FOXJ3: variants seen among roughly 807,000 people sequenced by gnomAD.
FOXJ3 encodes forkhead box J3.
Under a neutral mutation model 76.1 loss-of-function variants are expected in FOXJ3, and 22 were observed. That is an observed-to-expected ratio of 0.29 (90% CI 0.21 to 0.41). FOXJ3 has a LOEUF of 0.41. Ranked by LOEUF, FOXJ3 falls within the 10% of genes least tolerant of loss-of-function variation. FOXJ3 has a pLI of 1.00. For synonymous variants in FOXJ3, 269 were observed against 261.2 expected, an observed-to-expected ratio of 1.03 and a Z score of -0.29; for missense variants, 613 against 762.1, an observed-to-expected ratio of 0.80 and a Z score of 2.30.
At chr1:42,251,776 T>C (rs1650091594) in intron 4 of FOXJ3, among the ~76,000 whole-genome samples, 1 of 144,944 alleles carries the variant, frequency 6.9e-6, no homozygotes, top group African/African-American at 2.7e-5. Context: ...TGGAGTGCAG[T>C]GGCGCGATCT....
chr1:42,192,292 A>C (rs1646563942), intron 8 of FOXJ3, among the ~76,000 whole-genome samples: 1 of 152,224 alleles, frequency 6.6e-6, no homozygotes, highest in Admixed American at 6.5e-5. Flanking sequence ...CATAGGCTGC[A>C]AGCTGGAACA....
intron 4 of FOXJ3, among the ~76,000 whole-genome samples, chr1:42,236,873 G>C (rs1648681338): frequency 6.6e-6 from 1 of 152,158 alleles, no homozygotes; most frequent in Admixed American, 6.5e-5. Context: ...TTGTGCCTCA[G>C]TGATTTGCAA....
chr1:42,210,919 A>AC (rs1646954538), intron 5 of FOXJ3, among the ~76,000 whole-genome samples: 1 of 151,896 alleles, frequency 6.6e-6, no homozygotes, highest in Non-Finnish European at 1.5e-5. Context: ...AGGGACTGCT[A>AC]CTCCCAAGGG....
intron 2 of FOXJ3, among the ~76,000 whole-genome samples, chr1:42,291,101 GAT>G: frequency 6.6e-6 from 1 of 151,698 alleles, no homozygotes; most frequent in Non-Finnish European, 1.5e-5. Flanking sequence ...CAGACAGACA[GAT>G]AGATCCACAG....
rs948830806 is a variant in FOXJ3, at chr1:42,191,683, G to A, written c.971C>T (p.Ser324Phe). ...MNIPSESSQQ[S>F]HTSCTYQHSP... ...GTGCTGATAGGTACATGAAGTGTGG[G>A]ACTGCTGGGAAGATTCAGAAGGGAT... is the stretch of plus-strand genomic sequence containing the variant. Residue 324 changes from serine (S) to phenylalanine (F), a missense_variant, in exon 9 of 13, where the codon TCC (serine) becomes TTC (phenylalanine). This residue lies in a region of FOXJ3 where 526 missense variants were observed against 601.4 expected (regional missense o/e 0.87). Transcript: ENST00000361346. 1.4e-5 allele frequency: 23 copies of A among 1,613,888 alleles called. No individual in the cohort carries two copies. Among genetic ancestry groups the A allele is most frequent in the Non-Finnish European group, 1.9e-5 (23 of 1,179,818 alleles).
intron 5 of FOXJ3, among the ~76,000 whole-genome samples, chr1:42,226,461 A>G (rs1038528457): frequency 7.9e-5 from 12 of 152,136 alleles, no homozygotes; most frequent in African/African-American, 2.9e-4. Flanking sequence ...AAAATATAAA[A>G]ATTAGCCGGG....
intron 2 of FOXJ3, among the ~76,000 whole-genome samples, chr1:42,281,424 G>C (rs115861642): frequency 9.2e-5 from 14 of 152,148 alleles, no homozygotes; most frequent in African/African-American, 3.4e-4. Flanking sequence ...CTTAGCTGAA[G>C]AACTTCAGCT....
chr1:42,325,942 C>G (rs1370172406), intron 1 of FOXJ3, among the ~76,000 whole-genome samples: 1 of 152,144 alleles, frequency 6.6e-6, no homozygotes, highest in African/African-American at 2.4e-5. Context: ...TTCATAGCAT[C>G]AAGTGTTTAA....
At chr1:42,212,970 A>AC (rs1246558798) in intron 5 of FOXJ3, among the ~76,000 whole-genome samples, 1 of 142,242 alleles carries the variant, frequency 7.0e-6, no homozygotes, top group South Asian at 2.1e-4. Context: ...AAAAAAAAAA[A>AC]ACAAAAAAAA....
At chr1:42,311,805 T>C (rs1654832017) in intron 1 of FOXJ3, among the ~76,000 whole-genome samples, 2 of 152,230 alleles carry the variant, frequency 1.3e-5, no homozygotes, top group Admixed American at 1.3e-4. Context: ...TTTCTTCATC[T>C]GTAACGTGGG....
At chr1:42,217,567 T>C (rs980770489) in intron 5 of FOXJ3, among the ~76,000 whole-genome samples, 2 of 151,300 alleles carry the variant, frequency 1.3e-5, no homozygotes, top group Non-Finnish European at 2.9e-5. Context: ...AAAAACAAAA[T>C]ACTCCGGATT....
chr1:42,205,846 G>A lies in FOXJ3; in HGVS notation c.546C>T (p.Ser182=). Residue 182 remains serine (S), a synonymous_variant, in exon 6 of 13, where the codon AGC becomes AGT. Coordinates refer to ENST00000361346, the MANE Select transcript of FOXJ3 (RefSeq NM_014947.5). ...CCATTCCCAAAGAATCTGAATCTAT[G>A]CTATATGGAGTTGAGGCCTAAAATA... ...RSVERASTPY[S]IDSDSLGMEC... 6.2e-7 allele frequency: 1 copy of A among 1,607,696 alleles called. No homozygotes were observed. The highest frequency in any genetic ancestry group is 8.5e-7 in the Non-Finnish European group (1 of 1,174,592).
chr1:42,333,970 G>A (rs1279750950), intron 1 of FOXJ3, among the ~76,000 whole-genome samples: 2 of 152,112 alleles, frequency 1.3e-5, no homozygotes, highest in African/African-American at 2.4e-5. Context: ...AGACCAAAAA[G>A]GTGCCCACCA....
intron 5 of FOXJ3, among the ~76,000 whole-genome samples, chr1:42,208,136 G>A (rs1646895839): frequency 6.6e-6 from 1 of 152,204 alleles, no homozygotes; most frequent in South Asian, 2.1e-4. Context: ...TTCCTTTAGA[G>A]ATCTGTTAAG....
At chr1:42,299,356 AT>A (rs1404851371) in intron 2 of FOXJ3, among the ~76,000 whole-genome samples, 4 of 137,958 alleles carry the variant, frequency 2.9e-5, no homozygotes, top group Non-Finnish European at 6.2e-5. Flanking sequence ...TTATCATTAT[AT>A]AATGCTCATC....
chr1:42,230,993 C>CAA (rs1309898137), intron 4 of FOXJ3, among the ~76,000 whole-genome samples: 1 of 152,062 alleles, frequency 6.6e-6, no homozygotes, highest in African/African-American at 2.4e-5. Context: ...CACATACATA[C>CAA]AATGGAGTAT....
At position 42,177,247 on chromosome 1, in the gene FOXJ3, A is replaced by G. The variant is rs1646231919; in HGVS notation, c.*2463T>C. The G allele has an allele frequency of 6.6e-6, 1 of 152,668 alleles. No homozygotes were observed. The highest frequency in any genetic ancestry group is 2.1e-4 in the South Asian group (1 of 4,834). The allele number at this position is 152,668 out of a possible 1,614,324, so 9.5% of individuals were successfully genotyped here. ...GGGTGAAGGCTTTGCCTCCATGGCC[A>G]TTCTTGCTAAGTTTAAATTCTCATA... On this transcript the variant is annotated 3_prime_UTR_variant, in exon 13 of 13. Coordinates refer to ENST00000361346, the MANE Select transcript of FOXJ3 (RefSeq NM_014947.5).
chr1:42,216,295 G>T (rs1458711344), intron 5 of FOXJ3, among the ~76,000 whole-genome samples: 3 of 151,860 alleles, frequency 2.0e-5, no homozygotes, highest in African/African-American at 7.3e-5. Flanking sequence ...GAGGCGGGCG[G>T]ATCACGAGGT....
At chr1:42,314,693 C>T (rs950572168) in intron 1 of FOXJ3, among the ~76,000 whole-genome samples, 1 of 152,230 alleles carries the variant, frequency 6.6e-6, no homozygotes, top group African/African-American at 2.4e-5. Context: ...AGTCAGCCAA[C>T]TCATTTGGCT....
Sources: gnomAD v4.1 joint callset for allele counts (sites outside exome capture counted in the v4.1 genomes callset) on GRCh38, gnomAD v4.1.1 for gene constraint, gnomAD v4.1.1 regional missense constraint, MANE v1.5 for transcripts, NCBI Gene and HGNC (gene_info 2026-07-23, HGNC 2026-07-21) for gene names.